Variants in ZNF74 observed in about 807,000 individuals in gnomAD.
The protein encoded by ZNF74 is zinc finger protein 74.
A neutral mutation model predicts 17.7 loss-of-function variants in ZNF74; 12 were observed. That is an observed-to-expected ratio of 0.68 (90% CI 0.43 to 1.10). The LOEUF is 1.10. ZNF74 is among the 50% of genes least tolerant of loss of function. The pLI is 0.00. For synonymous variants in ZNF74, 358 were observed against 362.1 expected (o/e 0.99, Z 0.13); for missense variants, 811 against 881.0 (o/e 0.92, Z 1.01).
Position 20,406,804 on chromosome 22 carries a change from C to A in ZNF74, c.1771C>A (p.His591Asn). The stretch of plus-strand genomic sequence containing the variant: ...GCCCTTGGCCATCCAGTTCAACAAA[C>A]ACCTGCTCAGCACATACTACGTGCC... ...GKPLAIQFNKHLLSTYYVPGS... is the reference protein window; with the variant it reads ...GKPLAIQFNKNLLSTYYVPGS... Residue 591 changes from histidine (H) to asparagine (N), a missense_variant, in exon 5 of 5, where the codon CAC becomes AAC. Physicochemically the swap from His to Asn is moderately conservative, Grantham distance 68. This residue lies in a region of ZNF74 where 115 missense variants were observed against 119.5 expected (regional missense o/e 0.96). Transcript: ENST00000400451. 6.2e-7 allele frequency: 1 copy of A among 1,614,126 alleles called. No homozygotes were observed. The highest frequency in any genetic ancestry group is 1.1e-5 in the South Asian group (1 of 91,086).
At chr22:20,403,023 G>A (rs1359953343) in intron 4 of ZNF74, among the ~76,000 whole-genome samples, 2 of 152,036 alleles carry the variant, frequency 1.3e-5, no homozygotes, top group Non-Finnish European at 2.9e-5. Flanking sequence ...CAGCACTCAC[G>A]CCGGAGTCTG....
At chr22:20,403,480 G>A (rs1022953320) in intron 4 of ZNF74, among the ~76,000 whole-genome samples, 1 of 151,818 alleles carries the variant, frequency 6.6e-6, no homozygotes, top group African/African-American at 2.4e-5. Flanking sequence ...GCTGCTTCCT[G>A]TTCATTTTCA....
At position 20,399,530 on chromosome 22, in the gene ZNF74, C is replaced by T. The variant is rs987757273; in HGVS notation, c.121-1102C>T. On this transcript the variant is annotated intron_variant, in intron 2 of 4. Coordinates refer to ENST00000400451, the MANE Select transcript of ZNF74 (RefSeq NM_003426.4). Reference sequence around the variant, plus strand: ...TTTTAATTGGAGTGTTTAAACTATTCGCATTTAGTGTAATTATTAATATGG... The same window carrying T: ...TTTTAATTGGAGTGTTTAAACTATTTGCATTTAGTGTAATTATTAATATGG... 6 of 366,200 alleles carry T rather than the reference C, an allele frequency of 1.6e-5. 1 individual carries two copies. Among genetic ancestry groups the T allele is most frequent in the South Asian group, 8.0e-5 (4 of 50,298 alleles). The allele number at this position is 366,200 out of a possible 1,614,324, so 22.7% of individuals were successfully genotyped here. A position where few individuals can be genotyped will look rare whatever the true frequency, so the allele number is the denominator to read the frequency against.
At chr22:20,400,905 C>G in intron 3 of ZNF74, 147 bp downstream of exon 3, 1 of 1,000,702 alleles carries the variant, frequency 1.0e-6, no homozygotes. Context: ...GCACTCATGG[C>G]CAGGGGCCTC....
At position 20,394,193 on chromosome 22, in the gene ZNF74, T is replaced by C. The variant is rs2052262816; in HGVS notation, c.-436T>C. On this transcript the variant is annotated 5_prime_UTR_variant, in exon 1 of 5. Coordinates refer to ENST00000400451, the MANE Select transcript of ZNF74 (RefSeq NM_003426.4). ...CTCTTTGTGGCAGTCGCAGTCCTTT[T>C]GTGGGAGTCCGGTCTGTCCACTTGC... The C allele has an allele frequency of 7.6e-6, 5 of 659,934 alleles. No homozygotes were observed. The highest frequency in any genetic ancestry group is 1.4e-5 in the Non-Finnish European group (5 of 360,266). 40.9% of individuals were successfully genotyped at this position (659,934 alleles called of 1,614,324 possible).
At position 20,401,067 on chromosome 22, in the gene ZNF74, G is replaced by A; in HGVS notation, c.248-210G>A. On this transcript the variant is annotated intron_variant, in intron 3 of 4. Coordinates refer to ENST00000400451, the MANE Select transcript of ZNF74 (RefSeq NM_003426.4). This position sits in a 1 kb window ranked among gnomAD's most constrained non-coding sequence, Gnocchi z 4.2. ...TCTGGAACAGTCCTCAAGCAATGAA[G>A]TAAGGACGTCAGCACACGTGGGGTC... 1 of 595,352 alleles carries A rather than the reference G, an allele frequency of 1.7e-6. No individual in the cohort carries two copies. 36.9% of individuals were successfully genotyped at this position (595,352 alleles called of 1,614,324 possible).
chr22:20,404,781 TC>T (rs965320930), intron 4 of ZNF74, among the ~76,000 whole-genome samples: 84 of 152,250 alleles, frequency 5.5e-4, no homozygotes, highest in African/African-American at 2.0e-3. Context: ...AGCCCTTTTT[TC>T]CTTTTGGCAC....
At chr22:20,404,071 T>G (rs185509277) in intron 4 of ZNF74, among the ~76,000 whole-genome samples, 77 of 152,310 alleles carry the variant, frequency 5.1e-4, no homozygotes, top group Admixed American at 6.5e-4. Flanking sequence ...AGCACCACCA[T>G]GCAGCTCTGC....
rs1036931635 is a variant in ZNF74 at position 20,394,606 on chromosome 22, C to T, written c.-23C>T. 17 of 1,613,966 alleles carry T rather than the reference C, an allele frequency of 1.1e-5. No homozygotes were observed. The highest frequency in any genetic ancestry group is 1.4e-5 in the Non-Finnish European group (16 of 1,179,954). On this transcript the variant is annotated 5_prime_UTR_variant, in exon 1 of 5. Coordinates refer to ENST00000400451, the MANE Select transcript of ZNF74 (RefSeq NM_003426.4). ...GAGGCTACACAGCTGCCCACTCCTCCTGGGGAGGCTGCCGTGGAGGCCATG... is the reference window on the plus strand; with the variant it reads ...GAGGCTACACAGCTGCCCACTCCTCTTGGGGAGGCTGCCGTGGAGGCCATG...
chr22:20,401,325 AG>A lies in ZNF74; in HGVS notation c.298del (p.Glu100SerfsTer19). 6.2e-7 allele frequency: 1 copy of A among 1,611,766 alleles called. No individual in the cohort carries two copies. Among genetic ancestry groups the A allele is most frequent in the Non-Finnish European group, 8.5e-7 (1 of 1,179,024 alleles). On this transcript the variant is annotated frameshift_variant, in exon 4 of 5. Transcript: ENST00000400451. LOFTEE classifies it low-confidence loss of function (END_TRUNC). This position sits in a 1 kb window ranked among gnomAD's most constrained non-coding sequence, Gnocchi z 4.2. ...GTGATCTCTCATCTGGAACGAGGCG[AG>A]GAGCCATGGAGCATGCAGAGGGAAG... is the stretch of plus-strand genomic sequence containing the variant. Reference protein sequence around the residue: ...PDVISHLERGEEPWSMQREVP... With the variant: ...PDVISHLERGXEPWSMQREVP...
rs549643168 is a variant in ZNF74 at position 20,394,413 on chromosome 22, G to A, written c.-216G>A. Reference sequence around the variant, plus strand: ...CATGGGGCTGAGCCTGGTGTGGGGAGTGGGTATCTGCGGAGCCGGCCTGAA... The same window carrying A: ...CATGGGGCTGAGCCTGGTGTGGGGAATGGGTATCTGCGGAGCCGGCCTGAA... On this transcript the variant is annotated 5_prime_UTR_variant, in exon 1 of 5. The change creates a new upstream start codon in the 5' untranslated region. Transcript: ENST00000400451. 23 of 639,302 alleles carry A rather than the reference G, an allele frequency of 3.6e-5. No homozygotes were observed. Among genetic ancestry groups the A allele is most frequent in the East Asian group, 2.5e-4 (9 of 36,030 alleles). The allele number at this position is 639,302 out of a possible 1,614,324, so 39.6% of individuals were successfully genotyped here. A position where few individuals can be genotyped will look rare whatever the true frequency, so the allele number is the denominator to read the frequency against.
At chr22:20,395,006 G>A (rs937614676) in intron 1 of ZNF74, 2 of 437,724 alleles carry the variant, frequency 4.6e-6, no homozygotes, top group Non-Finnish European at 8.2e-6. Flanking sequence ...GCCCGCCTCG[G>A]CCTCCCAAAG....
chr22:20,401,212 G>A lies in ZNF74; in HGVS notation c.248-65G>A. The stretch of plus-strand genomic sequence containing the variant: ...CAGGCATTGTCCTTGTTAGGGGGCG[G>A]CCTGTAAGGTCGACTGGGCCTGGAG... On this transcript the variant is annotated intron_variant, in intron 3 of 4. Coordinates refer to ENST00000400451, the MANE Select transcript of ZNF74 (RefSeq NM_003426.4). This position sits in a 1 kb window ranked among gnomAD's most constrained non-coding sequence, Gnocchi z 4.2. 2.7e-6 allele frequency: 3 copies of A among 1,097,282 alleles called. No individual in the cohort carries two copies. The highest frequency in any genetic ancestry group is 4.1e-6 in the Non-Finnish European group (3 of 737,814). 68.0% of individuals were successfully genotyped at this position (1,097,282 alleles called of 1,614,324 possible). A position where few individuals can be genotyped will look rare whatever the true frequency, so the allele number is the denominator to read the frequency against.
rs898599472 is a variant in ZNF74 at position 20,401,016 on chromosome 22, A to G, written c.247+258A>G. Reference sequence around the variant, plus strand: ...ATAGGGGCAGGGAGAGAAGAGAAGAAGGTGGGACCCTGGAGCCCAGCTGGC... The same window carrying G: ...ATAGGGGCAGGGAGAGAAGAGAAGAGGGTGGGACCCTGGAGCCCAGCTGGC... On this transcript the variant is annotated intron_variant, in intron 3 of 4. Coordinates refer to ENST00000400451, the MANE Select transcript of ZNF74 (RefSeq NM_003426.4). The surrounding 1 kb of genome is among the most constrained non-coding windows in gnomAD (Gnocchi z 4.2). The G allele has an allele frequency of 1.7e-6, 1 of 596,390 alleles. No homozygotes were observed. The highest frequency in any genetic ancestry group is 3.0e-6 in the Non-Finnish European group (1 of 337,186). The allele number at this position is 596,390 out of a possible 1,614,324, so 36.9% of individuals were successfully genotyped here.
At chr22:20,396,826 C>G (rs2052299156) in intron 2 of ZNF74, among the ~76,000 whole-genome samples, 1 of 152,202 alleles carries the variant, frequency 6.6e-6, no homozygotes, top group Non-Finnish European at 1.5e-5. Flanking sequence ...AGTGTCATTA[C>G]CACATCAGCA....
intron 4 of ZNF74, among the ~76,000 whole-genome samples, chr22:20,404,894 C>A (rs950624617): frequency 2.0e-5 from 3 of 152,120 alleles, no homozygotes; most frequent in African/African-American, 4.8e-5. Flanking sequence ...GAGCCGAGAT[C>A]GCGCCACTGC....
In ZNF74 at chr22:20,406,081, C is replaced by T; in HGVS notation, c.1048C>T (p.His350Tyr). ...CAGCTGCAGCTCGCTGCTCAGCATG[C>T]ACCTGCGGGTGCACACCGGCGAGAA... ...AFSCSSLLSM[H>Y]LRVHTGEKPY... Residue 350 changes from histidine to tyrosine, a missense_variant, in exon 5 of 5, where the codon CAC (histidine) becomes TAC (tyrosine). Coordinates refer to ENST00000400451, the MANE Select transcript of ZNF74 (RefSeq NM_003426.4). 1 of 1,613,394 alleles carries T rather than the reference C, an allele frequency of 6.2e-7. No homozygotes were observed. The highest frequency in any genetic ancestry group is 8.5e-7 in the Non-Finnish European group (1 of 1,179,778).
Position 20,401,336 on chromosome 22 carries a change from A to G in ZNF74, c.307A>G (p.Ser103Gly), listed in dbSNP as rs1417118809. Reference sequence around the variant, plus strand: ...TCTGGAACGAGGCGAGGAGCCATGGAGCATGCAGAGGGAAGTCCCCAGAGG... The same window carrying G: ...TCTGGAACGAGGCGAGGAGCCATGGGGCATGCAGAGGGAAGTCCCCAGAGG... ...SHLERGEEPW[S>G]MQREVPRGPC... Residue 103 changes from serine (S) to glycine (G), a missense_variant, in exon 4 of 5, where the codon AGC becomes GGC. Transcript: ENST00000400451. The surrounding 1 kb of genome is among the most constrained non-coding windows in gnomAD (Gnocchi z 4.2). 5 of 1,610,886 alleles carry G rather than the reference A, an allele frequency of 3.1e-6. No homozygotes were observed. The highest frequency in any genetic ancestry group is 3.4e-6 in the Non-Finnish European group (4 of 1,178,580).
In ZNF74 at chr22:20,405,433, G is replaced by A; in HGVS notation, c.400G>A (p.Ala134Thr). The A allele has an allele frequency of 1.9e-6, 3 of 1,613,424 alleles. No individual in the cohort carries two copies. The Middle Eastern group carries it at 5.0e-4, about 267-fold the overall frequency. The change falls in exon 5 of 5, where the codon GCC becomes ACC. Residue 134 changes from alanine to threonine, a missense_variant. Around this residue, in one of 3 missense-constraint regions of ZNF74, gnomAD observed 666 missense variants for 702.3 expected, o/e 0.95. Transcript: ENST00000400451. ...GCAGGGCATTTGCAAAGAAGAACCGGCCCAGGAGCCCATCATGGAGCGGCC... is the reference window on the plus strand; with the variant it reads ...GCAGGGCATTTGCAAAGAAGAACCGACCCAGGAGCCCATCATGGAGCGGCC... ...QQQGICKEEP[A>T]QEPIMERPLG...
Sources: gnomAD v4.1 joint callset for allele counts (sites outside exome capture counted in the v4.1 genomes callset) on GRCh38, gnomAD v4.1.1 for gene constraint, gnomAD v4.1.1 regional missense constraint, Gnocchi (gnomAD v3.1) non-coding constraint, MANE v1.5 for transcripts, NCBI Gene and HGNC (gene_info 2026-07-23, HGNC 2026-07-21) for gene names.